The following PLEKHA7 variants were observed in gnomAD, a reference collection of about 807,000 sequenced individuals.
PLEKHA7 encodes the protein pleckstrin homology domain containing A7, also known as pleckstrin homology domain-containing family A member 7.
A neutral mutation model predicts 170.0 loss-of-function variants in PLEKHA7; 104 were observed. The ratio of observed to expected loss-of-function variants is 0.61; its 90% CI spans 0.52 to 0.72. PLEKHA7 has a LOEUF of 0.72. Ranked by LOEUF, PLEKHA7 falls within the 30% of genes least tolerant of loss-of-function variation. The pLI is 0.00. For missense variants in PLEKHA7, 1,615 were observed against 1,671.7 expected (o/e 0.97, Z 0.59); for synonymous variants, 648 against 660.8 (o/e 0.98, Z 0.30).
chr11:16,898,752 C>T (rs570826851), intron 3 of PLEKHA7, among the ~76,000 whole-genome samples: 4 of 152,264 alleles, frequency 2.6e-5, no homozygotes, highest in African/African-American at 7.2e-5. Context: ...TCATCTCTCA[C>T]GTGGACTAGT....
chr11:16,823,055 T>C (rs1731429898), intron 10 of PLEKHA7, among the ~76,000 whole-genome samples: 1 of 152,108 alleles, frequency 6.6e-6, no homozygotes, highest in Non-Finnish European at 1.5e-5. Flanking sequence ...AGTGCAGTGG[T>C]ACAATCATAA....
chr11:16,778,900 C>A lies in PLEKHA7; in HGVS notation c.*98G>T. ...CTCCTTCCTCCGGCCGGATTCCCTG[C>A]TCAGCTGGAAGGGGTTTCCTTGGGG... On this transcript the variant is annotated 3_prime_UTR_variant, in exon 27 of 27. Transcript: ENST00000531066. The A allele has an allele frequency of 1.4e-6, 1 of 700,420 alleles. No individual in the cohort carries two copies. The highest frequency in any genetic ancestry group is 2.6e-6 in the Non-Finnish European group (1 of 383,438). 43.4% of individuals were successfully genotyped at this position (700,420 alleles called of 1,614,324 possible). A position where few individuals can be genotyped will look rare whatever the true frequency, so the allele number is the denominator to read the frequency against.
intron 4 of PLEKHA7, among the ~76,000 whole-genome samples, chr11:16,862,542 A>C (rs1854046845): frequency 1.3e-5 from 2 of 152,236 alleles, no homozygotes; most frequent in Non-Finnish European, 2.9e-5. Context: ...ACAGGAAGAA[A>C]CAAAATTACT....
chr11:16,949,271 T>C (rs917567285), intron 3 of PLEKHA7, among the ~76,000 whole-genome samples: 1 of 152,076 alleles, frequency 6.6e-6, no homozygotes, highest in Non-Finnish European at 1.5e-5. Flanking sequence ...CCCCTGCAGG[T>C]GGGAAGGGGT....
At chr11:16,788,436 G>T (rs1375630222) in intron 23 of PLEKHA7, 1 of 152,766 alleles carries the variant, frequency 6.5e-6, no homozygotes, top group Non-Finnish European at 1.5e-5. Flanking sequence ...ATGAATTAGG[G>T]AAAGAACAAT....
intron 3 of PLEKHA7, among the ~76,000 whole-genome samples, chr11:16,953,698 C>T (rs1861536145): frequency 6.6e-6 from 1 of 152,118 alleles, no homozygotes; most frequent in East Asian, 1.9e-4. Context: ...TTTAAGGGCA[C>T]CACTTTCACT....
chr11:16,791,169 G>A lies in PLEKHA7; in HGVS notation c.2776C>T (p.Pro926Ser). ...TGGTCCTCTGGGCTGTAGAGTTCGGGGAGTGGGGGCCTGGGAGGTGCTTCA... is the reference window on the plus strand; with the variant it reads ...TGGTCCTCTGGGCTGTAGAGTTCGGAGAGTGGGGGCCTGGGAGGTGCTTCA... The part of the protein sequence containing the change: ...EDEAPPRPPL[P>S]ELYSPEDQPP... The change falls in exon 20 of 27, where the codon CCC becomes TCC. Residue 926 changes from proline (P) to serine (S), a missense_variant. By Grantham distance (74) the Pro-to-Ser change is moderately conservative. Coordinates refer to ENST00000531066, the MANE Select transcript of PLEKHA7 (RefSeq NM_001329630.2). This position sits in a 1 kb window ranked among gnomAD's most constrained non-coding sequence, Gnocchi z 4.5. The A allele has an allele frequency of 6.2e-7, 1 of 1,607,760 alleles. No individual in the cohort carries two copies. Among genetic ancestry groups the A allele is most frequent in the Non-Finnish European group, 8.5e-7 (1 of 1,176,100 alleles).
intron 3 of PLEKHA7, among the ~76,000 whole-genome samples, chr11:16,916,107 T>C (rs996089660): frequency 6.6e-6 from 1 of 152,168 alleles, no homozygotes; most frequent in Non-Finnish European, 1.5e-5. Flanking sequence ...ATTTCTCTGA[T>C]GGCCAGTGAT....
At chr11:16,854,801 G>A in intron 6 of PLEKHA7, 88 bp downstream of exon 6, 3 of 1,114,098 alleles carry the variant, frequency 2.7e-6, no homozygotes, top group Non-Finnish European at 4.1e-6. Context: ...AAGCTTATGT[G>A]CCCATCCCTA....
intron 3 of PLEKHA7, among the ~76,000 whole-genome samples, chr11:16,902,764 C>T (rs542992242): frequency 2.0e-5 from 3 of 152,176 alleles, no homozygotes; most frequent in Admixed American, 1.3e-4. Context: ...GCTTCAGGTT[C>T]CTTCTCTGCA....
chr11:17,014,412 C>A lies in PLEKHA7; in HGVS notation c.-11G>T. The A allele has an allele frequency of 1.7e-6, 2 of 1,202,418 alleles. No individual in the cohort carries two copies. The highest frequency in any genetic ancestry group is 1.1e-6 in the Non-Finnish European group (1 of 934,720). 74.5% of individuals were successfully genotyped at this position (1,202,418 alleles called of 1,614,324 possible). ...CGTCGCCGCCGCCATGTTCGCCGAG[C>A]GCGGAGCCGCCGCGGGGTGGGGGGG... On this transcript the variant is annotated 5_prime_UTR_variant, in exon 1 of 27. Coordinates refer to ENST00000531066, the MANE Select transcript of PLEKHA7 (RefSeq NM_001329630.2).
At chr11:16,989,267 C>A (rs376569569) in intron 3 of PLEKHA7, among the ~76,000 whole-genome samples, 87 of 152,308 alleles carry the variant, frequency 5.7e-4, no homozygotes, top group Non-Finnish European at 9.4e-4. Flanking sequence ...AGCAGGAACT[C>A]TGGAATCAGA....
At chr11:16,892,240 A>C (rs749704143) in intron 3 of PLEKHA7, among the ~76,000 whole-genome samples, 1 of 152,212 alleles carries the variant, frequency 6.6e-6, no homozygotes, top group Non-Finnish European at 1.5e-5. Context: ...GAGATATCTG[A>C]AACATGTGGG....
At chr11:16,781,025 T>A in intron 26 of PLEKHA7, 1 of 986,208 alleles carries the variant, frequency 1.0e-6, no homozygotes, top group Non-Finnish European at 1.2e-6. Flanking sequence ...CAGGGGGCCT[T>A]TAGGCGGGAG....
At chr11:16,871,924 C>T (rs1362345854) in intron 3 of PLEKHA7, among the ~76,000 whole-genome samples, 6 of 148,638 alleles carry the variant, frequency 4.0e-5, no homozygotes, top group Non-Finnish European at 8.9e-5. Context: ...CTTTTAAAAA[C>T]AAAATATGAT....
chr11:16,938,309 A>G (rs2136382981), intron 3 of PLEKHA7, among the ~76,000 whole-genome samples: 2 of 152,162 alleles, frequency 1.3e-5, no homozygotes, highest in South Asian at 4.2e-4. Flanking sequence ...ATTTATACAA[A>G]TGGTGCATTC....
At chr11:16,779,070 C>G in intron 26 of PLEKHA7, 50 bp from the exon 27 acceptor site, 1 of 702,554 alleles carries the variant, frequency 1.4e-6, no homozygotes, top group Non-Finnish European at 2.6e-6. Context: ...AGGGAGCAGG[C>G]ACGTCTGCAC....
At chr11:16,998,924 C>T (rs1864504635) in intron 3 of PLEKHA7, among the ~76,000 whole-genome samples, 1 of 150,586 alleles carries the variant, frequency 6.6e-6, no homozygotes, top group South Asian at 2.1e-4. Flanking sequence ...ACTGACTTAT[C>T]CCCCTCCTCC....
At chr11:17,004,914 T>G (rs1168663296) in intron 3 of PLEKHA7, among the ~76,000 whole-genome samples, 4 of 152,210 alleles carry the variant, frequency 2.6e-5, no homozygotes, top group Non-Finnish European at 4.4e-5. Context: ...TCCGTGTTTT[T>G]CCCTCTGCCA....
Sources: allele counts gnomAD v4.1 joint callset (sites outside exome capture counted in the v4.1 genomes callset), GRCh38; gene constraint gnomAD v4.1.1; non-coding constraint Gnocchi (gnomAD v3.1); transcripts MANE v1.5; gene names NCBI Gene and HGNC (gene_info 2026-07-23, HGNC 2026-07-21).